The following BSN variants were observed in gnomAD, a reference collection of about 807,000 sequenced individuals.
BSN encodes bassoon presynaptic cytomatrix protein, also known as protein bassoon.
A neutral mutation model predicts 264.8 loss-of-function variants in BSN; 57 were observed. The observed-to-expected ratio is 0.22, with a 90% CI of 0.17 to 0.27. The LOEUF is 0.27. BSN is among the 10% of genes least tolerant of loss of function. The probability of loss-of-function intolerance (pLI) is 1.00; values close to 1 mark genes in which losing one functional copy is unlikely to be tolerated. For missense variants in BSN, 4,615 were observed against 5,232.5 expected (o/e 0.88, Z 3.64); for synonymous variants, 2,059 against 2,137.3 (o/e 0.96, Z 1.01).
intron 11 of BSN, among the ~76,000 whole-genome samples, chr3:49,665,720 A>G (rs2052708506): frequency 6.6e-6 from 1 of 152,232 alleles, no homozygotes; most frequent in South Asian, 2.1e-4. Flanking sequence ...AACCCCACAG[A>G]GTCACATCTG....
chr3:49,610,234 G>T (rs548043429), intron 1 of BSN, among the ~76,000 whole-genome samples: 1 of 152,302 alleles, frequency 6.6e-6, no homozygotes, highest in Non-Finnish European at 1.5e-5. Flanking sequence ...GTGATAGATG[G>T]AGTTTTGTGT....
Position 49,662,388 on chromosome 3 carries a change from C to T in BSN, c.10543C>T (p.Arg3515Cys), listed in dbSNP as rs781385816. 6.8e-6 allele frequency: 11 copies of T among 1,613,406 alleles called. No individual in the cohort carries two copies. Among genetic ancestry groups the T allele is most frequent in the Admixed American group, 1.7e-5 (1 of 59,998 alleles). ...ESPVSPLGRP[R>C]PAGGPLPPGG... Reference sequence around the variant, plus strand: ...CCCCGTCAGTCCTTTGGGGAGGCCCCGCCCTGCCGGAGGGCCCCTCCCTCC... The same window carrying T: ...CCCCGTCAGTCCTTTGGGGAGGCCCTGCCCTGCCGGAGGGCCCCTCCCTCC... The change falls in exon 6 of 12, where the codon CGC becomes TGC. Residue 3515 changes from arginine to cysteine, a missense_variant. Physicochemically the swap from Arg to Cys is radical, Grantham distance 180. Around this residue, in one of 3 missense-constraint regions of BSN, gnomAD observed 3,415 missense variants for 3,866.4 expected, o/e 0.88. Coordinates refer to ENST00000296452, the MANE Select transcript of BSN (RefSeq NM_003458.4).
chr3:49,652,211 T>C lies in BSN; in HGVS notation c.2655T>C (p.Pro885=). 1 of 1,613,214 alleles carries C rather than the reference T, an allele frequency of 6.2e-7. No homozygotes were observed. The highest frequency in any genetic ancestry group is 8.5e-7 in the Non-Finnish European group (1 of 1,179,514). ...QKGGPRPRPE[P]SQEPAALPKR... is the part of the protein sequence containing the mutation. Reference sequence around the variant, plus strand: ...GTGGCCCCAGACCCAGGCCTGAGCCTAGCCAAGAACCAGCAGCACTGCCCA... The same window carrying C: ...GTGGCCCCAGACCCAGGCCTGAGCCCAGCCAAGAACCAGCAGCACTGCCCA... Residue 885 remains proline (P), a synonymous_variant, in exon 5 of 12, where the codon CCT becomes CCC. Coordinates refer to ENST00000296452, the MANE Select transcript of BSN (RefSeq NM_003458.4).
At chr3:49,580,717 C>T (rs1366934638) in intron 1 of BSN, among the ~76,000 whole-genome samples, 1 of 152,156 alleles carries the variant, frequency 6.6e-6, no homozygotes, top group African/African-American at 2.4e-5. Flanking sequence ...CCTCTGCCTC[C>T]CAAAGTGCTG....
intron 1 of BSN, among the ~76,000 whole-genome samples, chr3:49,622,703 T>G (rs2052315271): frequency 6.6e-6 from 1 of 152,234 alleles, no homozygotes; most frequent in Admixed American, 6.5e-5. Flanking sequence ...AAATAATTTA[T>G]GTAAAAAATG....
At chr3:49,609,577 G>A (rs2052187532) in intron 1 of BSN, among the ~76,000 whole-genome samples, 1 of 152,178 alleles carries the variant, frequency 6.6e-6, no homozygotes, top group African/African-American at 2.4e-5. Flanking sequence ...CTGTGGGCAA[G>A]GGTGTCCAGG....
intron 1 of BSN, among the ~76,000 whole-genome samples, chr3:49,580,495 G>A (rs190595053): frequency 9.9e-4 from 149 of 151,032 alleles, no homozygotes; most frequent in Non-Finnish European, 1.7e-3. Flanking sequence ...GCAGTGGTGC[G>A]ATCATGACGC....
chr3:49,656,934 C>A lies in BSN; in HGVS notation c.7378C>A (p.Gln2460Lys), dbSNP rs2052608668. 1 of 1,598,282 alleles carries A rather than the reference C, an allele frequency of 6.3e-7. No homozygotes were observed. Among genetic ancestry groups the A allele is most frequent in the African/African-American group, 1.3e-5 (1 of 74,466 alleles). ...GCTGGAGCAGATCCAGCAGCTGCAG[C>A]AGCAGCTGCAGCAGCAGCTAGAGGA... ...LQLEQIQQLQ[Q>K]QLQQQLEEQK... The change falls in exon 5 of 12, where the codon CAG becomes AAG. Residue 2460 changes from glutamine to lysine, a missense_variant. Physicochemically the swap from Gln to Lys is moderately conservative, Grantham distance 53 (BLOSUM62 1). This residue lies in a region of BSN where 3,415 missense variants were observed against 3,866.4 expected (regional missense o/e 0.88). Transcript: ENST00000296452.
chr3:49,574,507 C>T (rs2051825673), intron 1 of BSN, among the ~76,000 whole-genome samples: 1 of 152,054 alleles, frequency 6.6e-6, no homozygotes, highest in African/African-American at 2.4e-5. Flanking sequence ...GGTCTCGGCT[C>T]ACTGCAACCT....
chr3:49,625,486 C>A lies in BSN; in HGVS notation c.633+103C>A. Reference sequence around the variant, plus strand: ...ACCAACTCTCTTTTCCTGGTCATTTCCCTTGACCACCAGCATTTGTGTCCT... The same window carrying A: ...ACCAACTCTCTTTTCCTGGTCATTTACCTTGACCACCAGCATTTGTGTCCT... On this transcript the variant is annotated intron_variant, in intron 2 of 11. Transcript: ENST00000296452. The surrounding 1 kb of genome is among the most constrained non-coding windows in gnomAD (Gnocchi z 4.4). The A allele has an allele frequency of 8.7e-7, 1 of 1,154,512 alleles. No homozygotes were observed. The highest frequency in any genetic ancestry group is 1.1e-6 in the Non-Finnish European group (1 of 874,564). The allele number at this position is 1,154,512 out of a possible 1,614,324, so 71.5% of individuals were successfully genotyped here. A position where few individuals can be genotyped will look rare whatever the true frequency, so the allele number is the denominator to read the frequency against.
rs1230351022 is a variant in BSN, at chr3:49,657,831, G to A, written c.8275G>A (p.Glu2759Lys). 1 of 1,607,422 alleles carries A rather than the reference G, an allele frequency of 6.2e-7. No individual in the cohort carries two copies. The highest frequency in any genetic ancestry group is 8.5e-7 in the Non-Finnish European group (1 of 1,177,376). ...CACCCCAGGGCCTCTGGGCAGATTT[G>A]AAAAAAAGAAGCCAGATCCCCTGGA... ...IVTPGPLGRF[E>K]KKKPDPLEIG... is the part of the protein sequence containing the mutation. Residue 2759 changes from glutamate (E) to lysine (K), a missense_variant, in exon 5 of 12, where the codon GAA becomes AAA. Glu to Lys is a moderately conservative substitution (Grantham distance 56). Around this residue, in one of 3 missense-constraint regions of BSN, gnomAD observed 3,415 missense variants for 3,866.4 expected, o/e 0.88. Transcript: ENST00000296452.
At chr3:49,608,786 C>G (rs890005878) in intron 1 of BSN, among the ~76,000 whole-genome samples, 1 of 151,778 alleles carries the variant, frequency 6.6e-6, no homozygotes, top group Non-Finnish European at 1.5e-5. Flanking sequence ...CGAGATCGTG[C>G]CACTGCACTC....
intron 6 of BSN, 113 bp downstream of exon 6, chr3:49,662,675 T>G: frequency 7.8e-7 from 1 of 1,289,382 alleles, no homozygotes; most frequent in Non-Finnish European, 1.0e-6. Context: ...GCGCCTCATC[T>G]GGTGGGCCCT....
chr3:49,655,626 A>G lies in BSN; in HGVS notation c.6070A>G (p.Ser2024Gly). 3 of 1,613,716 alleles carry G rather than the reference A, an allele frequency of 1.9e-6. No individual in the cohort carries two copies. The highest frequency in any genetic ancestry group is 1.1e-5 in the South Asian group (1 of 91,092). ...MDLSSLKHSY[S>G]LGFADGRYLG... is the part of the protein sequence containing the mutation. ...CCTCAGCTCACTGAAGCACTCCTAC[A>G]GCCTGGGCTTTGCGGATGGACGCTA... The change falls in exon 5 of 12, where the codon AGC becomes GGC. Residue 2024 changes from serine to glycine, a missense_variant. By Grantham distance (56) the Ser-to-Gly change is moderately conservative. This residue lies in a region of BSN where 3,415 missense variants were observed against 3,866.4 expected (regional missense o/e 0.88). Transcript: ENST00000296452.
At chr3:49,665,770 G>A (rs764977041) in intron 11 of BSN, among the ~76,000 whole-genome samples, 1 of 152,270 alleles carries the variant, frequency 6.6e-6, no homozygotes, top group Non-Finnish European at 1.5e-5. Flanking sequence ...TGGCTTCACA[G>A]GCTGAGCTTG....
At chr3:49,559,173 C>A (rs1382202208) in intron 1 of BSN, among the ~76,000 whole-genome samples, 1 of 152,036 alleles carries the variant, frequency 6.6e-6, no homozygotes, top group African/African-American at 2.4e-5. Context: ...GTGATCTGCC[C>A]GCCTCAGCCT....
At chr3:49,672,177 A>G (rs1295912091), downstream of BSN, among the ~76,000 whole-genome samples, 1 of 151,888 alleles carries the variant, frequency 6.6e-6, no homozygotes, top group Non-Finnish European at 1.5e-5. Context: ...AAGGTGCAAT[A>G]TATCCTGTTT....
chr3:49,625,490 T>C lies in BSN; in HGVS notation c.633+107T>C. The C allele has an allele frequency of 8.6e-7, 1 of 1,157,616 alleles. No homozygotes were observed. The highest frequency in any genetic ancestry group is 1.1e-6 in the Non-Finnish European group (1 of 877,376). 71.7% of individuals were successfully genotyped at this position (1,157,616 alleles called of 1,614,324 possible). A position where few individuals can be genotyped will look rare whatever the true frequency, so the allele number is the denominator to read the frequency against. On this transcript the variant is annotated intron_variant, in intron 2 of 11. Transcript: ENST00000296452. The surrounding 1 kb of genome is among the most constrained non-coding windows in gnomAD (Gnocchi z 4.4). ...ACTCTCTTTTCCTGGTCATTTCCCT[T>C]GACCACCAGCATTTGTGTCCTCCTG... is the stretch of plus-strand genomic sequence containing the variant.
At chr3:49,618,154 C>G (rs1378540173) in intron 1 of BSN, among the ~76,000 whole-genome samples, 1 of 152,146 alleles carries the variant, frequency 6.6e-6, no homozygotes, top group African/African-American at 2.4e-5. Flanking sequence ...GTAACTCTCC[C>G]AGATAAAAAT....
Sources: allele counts gnomAD v4.1 joint callset (sites outside exome capture counted in the v4.1 genomes callset), GRCh38; gene constraint gnomAD v4.1.1; regional missense constraint gnomAD v4.1.1; non-coding constraint Gnocchi (gnomAD v3.1); transcripts MANE v1.5; gene names NCBI Gene and HGNC (gene_info 2026-07-23, HGNC 2026-07-21).